Variants in VPS13C observed in about 807,000 individuals in gnomAD.
VPS13C encodes vacuolar protein sorting 13 homolog C, also known as intermembrane lipid transfer protein VPS13C.
A neutral mutation model predicts 456.8 loss-of-function variants in VPS13C; 358 were observed. The observed-to-expected ratio is 0.78, with a 90% CI of 0.72 to 0.86. VPS13C has a LOEUF of 0.86. VPS13C is among the 40% of genes least tolerant of loss of function. VPS13C has a pLI of 0.00. For missense variants in VPS13C, 4,818 were observed against 4,385.4 expected (o/e 1.10, Z -2.79); for synonymous variants, 1,578 against 1,486.7 (o/e 1.06, Z -1.41).
At chr15:62,049,180 T>C (rs538696249) in intron 1 of VPS13C, among the ~76,000 whole-genome samples, 1 of 152,364 alleles carries the variant, frequency 6.6e-6, no homozygotes, top group South Asian at 2.1e-4. Context: ...TCCTTGCCCA[T>C]GCCTATGTCC....
rs1419534705 is a variant in VPS13C, at chr15:61,863,480, T to C, written c.10912A>G (p.Ile3638Val). The change falls in exon 82 of 85, where the codon ATT becomes GTT. Residue 3638 changes from isoleucine to valine, a missense_variant. Physicochemically the swap from Ile to Val is conservative, Grantham distance 29. Coordinates refer to ENST00000644861, the MANE Select transcript of VPS13C (RefSeq NM_020821.3). ...AGGATTGTCTTCTTGCTTCCAGGAATAGCACAGTGGTATCGGTAAGTCTCT... is the reference window on the plus strand; with the variant it reads ...AGGATTGTCTTCTTGCTTCCAGGAACAGCACAGTGGTATCGGTAAGTCTCT... ...EGETYRYHCAIPGSKKTILMV... is the reference protein window; with the variant it reads ...EGETYRYHCAVPGSKKTILMV... 7.4e-6 allele frequency: 12 copies of C among 1,612,962 alleles called. No homozygotes were observed. The highest frequency in any genetic ancestry group is 4.5e-5 in the East Asian group (2 of 44,800).
Position 62,041,327 on chromosome 15 carries a change from T to A in VPS13C, c.184A>T (p.Ile62Phe). ...AAATGAAGACTAAAGTACTTACCAA[T>A]TTGGCCAGCCTTGACTTTAAAAGGA... ...DVPFKVKAGQ[I>F]DKLTLKIPWK... Residue 62 changes from isoleucine to phenylalanine, a missense_variant, in exon 3 of 85, where the codon ATT (isoleucine) becomes TTT (phenylalanine). By Grantham distance (21) the Ile-to-Phe change is conservative (BLOSUM62 0). Around this residue, in one of 3 missense-constraint regions of VPS13C, gnomAD observed 4,552 missense variants for 4,130.6 expected, o/e 1.10. Coordinates refer to ENST00000644861, the MANE Select transcript of VPS13C (RefSeq NM_020821.3). 1 of 1,606,882 alleles carries A rather than the reference T, an allele frequency of 6.2e-7. No individual in the cohort carries two copies. Among genetic ancestry groups the A allele is most frequent in the African/African-American group, 1.3e-5 (1 of 74,396 alleles).
intron 83 of VPS13C, among the ~76,000 whole-genome samples, chr15:61,855,262 A>C (rs1893842765): frequency 6.6e-6 from 1 of 152,158 alleles, no homozygotes; most frequent in South Asian, 2.1e-4. Context: ...CAAATCAAAA[A>C]ACCCTTCCTT....
chr15:61,982,679 G>C, intron 20 of VPS13C, 106 bp from the exon 21 acceptor site: 1 of 689,512 alleles, frequency 1.5e-6, no homozygotes, highest in Non-Finnish European at 2.4e-6. Context: ...TTGAACTGTG[G>C]AACTCCTAAG....
intron 83 of VPS13C, 102 bp downstream of exon 83, chr15:61,856,184 A>G (rs1000136395): frequency 1.2e-5 from 16 of 1,346,410 alleles, no homozygotes; most frequent in Non-Finnish European, 1.5e-5. Context: ...AGCATATAGT[A>G]GTAATAACGA....
At chr15:62,017,883 G>A (rs890477497) in intron 9 of VPS13C, among the ~76,000 whole-genome samples, 2 of 152,130 alleles carry the variant, frequency 1.3e-5, no homozygotes, top group African/African-American at 2.4e-5. Flanking sequence ...GGGCAGTATG[G>A]CCATTTTCAC....
chr15:61,942,244 TTAC>T (rs1283826379), intron 45 of VPS13C, among the ~76,000 whole-genome samples, 177 bp from the exon 46 acceptor site: 1 of 151,846 alleles, frequency 6.6e-6, no homozygotes, highest in Non-Finnish European at 1.5e-5. Flanking sequence ...TTAACAATAG[TTAC>T]TGTAGGAAGA....
rs1893710765 is a variant in VPS13C at position 61,852,713 on chromosome 15, C to T, written c.*1744G>A. The T allele has an allele frequency of 6.6e-6, 1 of 152,062 alleles. No homozygotes were observed. The highest frequency in any genetic ancestry group is 1.5e-5 in the Non-Finnish European group (1 of 68,004). The allele number at this position is 152,062 out of a possible 1,614,324, so 9.4% of individuals were successfully genotyped here. On this transcript the variant is annotated 3_prime_UTR_variant, in exon 85 of 85. Coordinates refer to ENST00000644861, the MANE Select transcript of VPS13C (RefSeq NM_020821.3). ...ATCCCTTTAATAAACTGCAATTAACCACTAATATAGAAATTCAATTTAAGC... is the reference window on the plus strand; with the variant it reads ...ATCCCTTTAATAAACTGCAATTAACTACTAATATAGAAATTCAATTTAAGC...
chr15:62,009,216 T>G (rs1175411184), intron 13 of VPS13C, among the ~76,000 whole-genome samples: 2 of 152,200 alleles, frequency 1.3e-5, no homozygotes, highest in Non-Finnish European at 2.9e-5. Context: ...TTGAAATTAC[T>G]GCAAAAAATT....
chr15:62,006,313 T>C (rs1250754765), intron 15 of VPS13C, among the ~76,000 whole-genome samples: 9 of 152,050 alleles, frequency 5.9e-5, no homozygotes, highest in African/African-American at 2.2e-4. Context: ...GTCCATGTGT[T>C]CTCATTGTTC....
At chr15:61,946,239 A>G in intron 44 of VPS13C, 68 bp downstream of exon 44, 7 of 1,222,274 alleles carry the variant, frequency 5.7e-6, no homozygotes, top group Non-Finnish European at 8.0e-6. Context: ...TACTGTGCAA[A>G]TAAATAATAG....
chr15:61,897,774 A>C (rs2042874034), intron 66 of VPS13C, among the ~76,000 whole-genome samples: 2 of 152,166 alleles, frequency 1.3e-5, no homozygotes, highest in East Asian at 1.9e-4. Context: ...ACTCCTCGAG[A>C]AGAGCAACTC....
intron 51 of VPS13C, among the ~76,000 whole-genome samples, chr15:61,928,512 C>T (rs1047105192): frequency 2.6e-5 from 4 of 152,046 alleles, no homozygotes; most frequent in Non-Finnish European, 5.9e-5. Context: ...GCATTCTTAC[C>T]AGGACATATT....
Position 62,023,846 on chromosome 15 carries a change from C to G in VPS13C, c.449-1G>C, listed in dbSNP as rs1413022151. 1 of 1,609,026 alleles carries G rather than the reference C, an allele frequency of 6.2e-7. No individual in the cohort carries two copies. Among genetic ancestry groups the G allele is most frequent in the Non-Finnish European group, 8.5e-7 (1 of 1,177,292 alleles). ...TTTTTGTGCTTTTTACGTTTACGTC[C>G]TTCACAGTGGAAGCATTTTAGTGAG... On this transcript the variant is annotated splice_acceptor_variant, in intron 6 of 84. Transcript: ENST00000644861. LOFTEE classifies it high-confidence loss of function.
chr15:61,875,296 T>C (rs748523900), intron 76 of VPS13C, among the ~76,000 whole-genome samples: 9 of 152,102 alleles, frequency 5.9e-5, no homozygotes, highest in Non-Finnish European at 8.8e-5. Flanking sequence ...ATTTTTTTAC[T>C]GTCTTATTCT....
intron 9 of VPS13C, among the ~76,000 whole-genome samples, chr15:62,015,096 T>C (rs1255622087): frequency 1.3e-5 from 2 of 152,136 alleles, no homozygotes; most frequent in Admixed American, 6.6e-5. Context: ...ATTTTTTGCA[T>C]TGTCTGCTAG....
chr15:61,996,367 T>G (rs1031138494), intron 16 of VPS13C, among the ~76,000 whole-genome samples: 3 of 152,184 alleles, frequency 2.0e-5, no homozygotes, highest in Non-Finnish European at 2.9e-5. Context: ...AACTAGGTTG[T>G]ACACTAACAC....
At chr15:61,894,710 C>A (rs1353217934) in intron 66 of VPS13C, among the ~76,000 whole-genome samples, 1 of 152,026 alleles carries the variant, frequency 6.6e-6, no homozygotes, top group African/African-American at 2.4e-5. Context: ...TATATGTACC[C>A]AACACCAGAG....
chr15:61,903,384 A>G (rs892453183), intron 66 of VPS13C, among the ~76,000 whole-genome samples: 1 of 152,004 alleles, frequency 6.6e-6, no homozygotes, highest in Admixed American at 6.6e-5. Context: ...CAAACAAACT[A>G]AAAAAGAAAT....
Sources: gnomAD v4.1 joint callset for allele counts (sites outside exome capture counted in the v4.1 genomes callset) on GRCh38, gnomAD v4.1.1 for gene constraint, gnomAD v4.1.1 regional missense constraint, MANE v1.5 for transcripts, NCBI Gene and HGNC (gene_info 2026-07-23, HGNC 2026-07-21) for gene names.